The following GRXCR1 variants were observed in gnomAD, a reference collection of about 807,000 sequenced individuals.
GRXCR1 encodes glutaredoxin and cysteine rich domain containing 1, also known as glutaredoxin domain-containing cysteine-rich protein 1.
Under a neutral mutation model 27.3 loss-of-function variants are expected in GRXCR1, and 27 were observed. The ratio of observed to expected loss-of-function variants is 0.99; its 90% confidence interval spans 0.73 to 1.37. The LOEUF (loss-of-function observed/expected upper bound fraction) is 1.37. GRXCR1 is among the 40% of genes most tolerant of loss of function. The pLI is 0.00. For missense variants in GRXCR1, 379 were observed against 354.4 expected (o/e 1.07, Z -0.56); for synonymous variants, 122 against 131.1 (o/e 0.93, Z 0.47).
At chr4:42,970,235 T>C (rs1456699449) in intron 2 of GRXCR1, among the ~76,000 whole-genome samples, 1 of 152,130 alleles carries the variant, frequency 6.6e-6, no homozygotes, top group South Asian at 2.1e-4. Context: ...TCCAGACACA[T>C]GGTACAAGCT....
At chr4:42,944,113 A>C (rs1747689670) in intron 1 of GRXCR1, among the ~76,000 whole-genome samples, 1 of 152,098 alleles carries the variant, frequency 6.6e-6, no homozygotes, top group Non-Finnish European at 1.5e-5. Flanking sequence ...AACATTTATA[A>C]GGATACCACC....
chr4:42,917,818 G>A (rs1461888812), intron 1 of GRXCR1, among the ~76,000 whole-genome samples: 1 of 152,028 alleles, frequency 6.6e-6, no homozygotes, highest in African/African-American at 2.4e-5. Context: ...GACAATTAAA[G>A]TGAGAGAGGG....
intron 1 of GRXCR1, among the ~76,000 whole-genome samples, chr4:42,947,161 A>G (rs1285498966): frequency 6.6e-6 from 1 of 152,124 alleles, no homozygotes; most frequent in African/African-American, 2.4e-5. Context: ...GGGGGCTTCA[A>G]CAGCCTTCAG....
intron 1 of GRXCR1, among the ~76,000 whole-genome samples, chr4:42,904,898 GGACATCT>G (rs1179096774): frequency 6.6e-6 from 1 of 152,042 alleles, no homozygotes; most frequent in Non-Finnish European, 1.5e-5. Context: ...AACAGAGGTG[GGACATCT>G]GACCCAATTC....
chr4:42,990,981 A>G (rs1490148658), intron 2 of GRXCR1, among the ~76,000 whole-genome samples: 1 of 152,078 alleles, frequency 6.6e-6, no homozygotes, highest in Non-Finnish European at 1.5e-5. Flanking sequence ...AGTTTTTATC[A>G]ATTTGTCTTC....
intron 1 of GRXCR1, among the ~76,000 whole-genome samples, chr4:42,903,727 T>C (rs562780798): frequency 7.3e-6 from 1 of 137,394 alleles, no homozygotes; most frequent in Non-Finnish European, 1.6e-5. Flanking sequence ...CAATGTTTCC[T>C]GCTTCAGCTA....
At chr4:42,975,443 TAAC>T (rs1748492188) in intron 2 of GRXCR1, among the ~76,000 whole-genome samples, 1 of 152,084 alleles carries the variant, frequency 6.6e-6, no homozygotes, top group African/African-American at 2.4e-5. Flanking sequence ...ACCTGAGACT[TAAC>T]AGCCCAATGA....
In GRXCR1 at chr4:42,995,198, G is replaced by A. The variant is rs186361348; in HGVS notation, c.628-25156G>A. 3.9e-4 allele frequency among the ~76,000 whole-genome samples: 59 copies of A among 152,190 alleles called. No individual in the cohort carries two copies. In the East Asian group the frequency reaches 7.9e-3, roughly 20 times the overall value. ...GGAAATTAATGTGTCCAGCGTTGGG[G>A]TTCACTGTATAAAGATTTTTGTTCC... On this transcript the variant is annotated intron_variant, in intron 2 of 3. Transcript: ENST00000399770.
At chr4:42,986,318 C>G (rs575138050) in intron 2 of GRXCR1, among the ~76,000 whole-genome samples, 1 of 152,304 alleles carries the variant, frequency 6.6e-6, no homozygotes, top group African/African-American at 2.4e-5. Flanking sequence ...AAGTGAGGGG[C>G]TCATTGTGAG....
At chr4:42,909,308 A>T (rs909199913) in intron 1 of GRXCR1, among the ~76,000 whole-genome samples, 2 of 152,174 alleles carry the variant, frequency 1.3e-5, no homozygotes, top group African/African-American at 4.8e-5. Flanking sequence ...CCTTGGTGGC[A>T]GTTTTATATG....
At chr4:42,916,575 C>T (rs1746891392) in intron 1 of GRXCR1, among the ~76,000 whole-genome samples, 2 of 152,078 alleles carry the variant, frequency 1.3e-5, no homozygotes, top group South Asian at 4.1e-4. Flanking sequence ...GGTACATAAA[C>T]ATTCTTGTCT....
intron 2 of GRXCR1, among the ~76,000 whole-genome samples, chr4:43,018,177 G>A (rs941191984): frequency 3.3e-5 from 5 of 152,046 alleles, no homozygotes; most frequent in African/African-American, 1.2e-4. Context: ...AGGAGGCTTT[G>A]ACTACTGTCA....
rs140794596 is a variant in GRXCR1 at position 42,957,922 on chromosome 4, G to T, written c.385-4970G>T. ...CAGGTCACTCTGTAATTTGTCACTG[G>T]TAACTTATTTAATTCATTTGATGAT... On this transcript the variant is annotated intron_variant, in intron 1 of 3. Transcript: ENST00000399770. Among the ~76,000 whole-genome samples, 343 of 151,792 alleles carry T rather than the reference G, an allele frequency of 2.3e-3. 1 individual carries two copies. The highest frequency in any genetic ancestry group is 7.8e-3 in the African/African-American group (323 of 41,426).
At chr4:42,988,147 G>C (rs1345830421) in intron 2 of GRXCR1, among the ~76,000 whole-genome samples, 1 of 152,154 alleles carries the variant, frequency 6.6e-6, no homozygotes, top group Non-Finnish European at 1.5e-5. Context: ...GGGTAGTGCA[G>C]AGTGCTACCT....
chr4:43,008,527 A>G (rs1712636224), intron 2 of GRXCR1, among the ~76,000 whole-genome samples: 1 of 152,224 alleles, frequency 6.6e-6, no homozygotes. Flanking sequence ...ATCAGTGTGC[A>G]TTTGACAAAT....
chr4:42,969,986 A>G (rs1748347744), intron 2 of GRXCR1, among the ~76,000 whole-genome samples: 1 of 152,140 alleles, frequency 6.6e-6, no homozygotes, highest in African/African-American at 2.4e-5. Context: ...TCCCATTCAA[A>G]AAGGGAAAAT....
intron 1 of GRXCR1, among the ~76,000 whole-genome samples, chr4:42,951,326 C>T (rs1747877835): frequency 6.6e-6 from 1 of 152,070 alleles, no homozygotes; most frequent in South Asian, 2.1e-4. Flanking sequence ...CCAGAAACAC[C>T]CTCACAGACA....
intron 2 of GRXCR1, among the ~76,000 whole-genome samples, chr4:42,970,403 G>A (rs1219406009): frequency 6.6e-6 from 1 of 152,092 alleles, no homozygotes; most frequent in Non-Finnish European, 1.5e-5. Flanking sequence ...TACCCCTCTG[G>A]CTGACTTCTA....
chr4:42,923,751 CT>C (rs200043746), intron 1 of GRXCR1, among the ~76,000 whole-genome samples: 6 of 151,190 alleles, frequency 4.0e-5, no homozygotes, highest in South Asian at 2.1e-4. Flanking sequence ...CAACATGCCT[CT>C]TTTTTTTTGC....
Sources: allele counts gnomAD v4.1 joint callset (sites outside exome capture counted in the v4.1 genomes callset), GRCh38; gene constraint gnomAD v4.1.1; transcripts MANE v1.5; gene names NCBI Gene and HGNC (gene_info 2026-07-23, HGNC 2026-07-21).